The following DGAT2 variants were observed in gnomAD, a reference collection of about 807,000 sequenced individuals.
The protein encoded by DGAT2 is acyl-CoA retinol O-fatty-acyltransferase.
DGAT2 carries 33 observed loss-of-function variants against 48.4 expected under a neutral mutation model. The ratio of observed to expected loss-of-function variants is 0.68; its 90% CI spans 0.52 to 0.91. DGAT2 has a LOEUF of 0.91. Ranked by LOEUF, DGAT2 falls within the 40% of genes least tolerant of loss-of-function variation. The pLI, the probability that DGAT2 is intolerant of heterozygous loss-of-function variation, is 0.00. For missense variants in DGAT2, 446 were observed against 493.7 expected (o/e 0.90, Z 0.92); for synonymous variants, 191 against 194.1 (o/e 0.98, Z 0.13).
At chr11:75,798,060 C>T (rs918428631) in intron 6 of DGAT2, among the ~76,000 whole-genome samples, 167 bp from the exon 7 acceptor site, 4 of 152,184 alleles carry the variant, frequency 2.6e-5, no homozygotes, top group African/African-American at 9.7e-5. Context: ...GCAGAAGGCC[C>T]ATCAGAACCT....
intron 1 of DGAT2, among the ~76,000 whole-genome samples, chr11:75,781,612 G>A (rs548648243): frequency 4.9e-4 from 75 of 152,330 alleles, no homozygotes; most frequent in Non-Finnish European, 6.0e-4. Context: ...CAGCAGTCCC[G>A]GTACAGTTGC....
Position 75,801,374 on chromosome 11 carries a change from G to GC in DGAT2, c.*871dup, listed in dbSNP as rs1280785459. 1.3e-5 allele frequency: 2 copies of GC among 152,616 alleles called. No homozygotes were observed. Among genetic ancestry groups the GC allele is most frequent in the Non-Finnish European group, 2.9e-5 (2 of 68,056 alleles). The allele number at this position is 152,616 out of a possible 1,614,324, so 9.5% of individuals were successfully genotyped here. On this transcript the variant is annotated 3_prime_UTR_variant, in exon 8 of 8. Transcript: ENST00000228027. ...CAGCAGATTAGTTCCAAAGCAGGTG[G>GC]CCCCCGAACCCAAGCCTCACTTTTC...
intron 4 of DGAT2, 121 bp from the exon 5 acceptor site, chr11:75,796,207 G>T (rs1299156983): frequency 5.0e-6 from 4 of 801,290 alleles, no homozygotes; most frequent in East Asian, 2.5e-5. Flanking sequence ...GAGATTCATT[G>T]CAGCCCTCAG....
At chr11:75,793,459 C>T (rs993203792) in intron 4 of DGAT2, 8 of 152,236 alleles carry the variant, frequency 5.3e-5, no homozygotes, top group African/African-American at 1.9e-4. Flanking sequence ...CATCTTCATC[C>T]AGCAGCCCAG....
At chr11:75,791,026 G>A (rs181926912) in intron 4 of DGAT2, among the ~76,000 whole-genome samples, 2 of 152,374 alleles carry the variant, frequency 1.3e-5, no homozygotes, top group East Asian at 1.9e-4. Flanking sequence ...ATCTGGCCCT[G>A]ATGCATGTGG....
chr11:75,771,566 G>A (rs142170279), intron 1 of DGAT2, among the ~76,000 whole-genome samples: 9 of 152,254 alleles, frequency 5.9e-5, no homozygotes, highest in African/African-American at 2.2e-4. Flanking sequence ...AGGCTGGGGT[G>A]GGTGAGGATG....
chr11:75,784,591 T>C, intron 1 of DGAT2, 27 bp from the exon 2 acceptor site: 1 of 1,612,776 alleles, frequency 6.2e-7, no homozygotes, highest in Non-Finnish European at 8.5e-7. Context: ...AGGGTGACAG[T>C]GGACTGACAT....
intron 2 of DGAT2, 87 bp downstream of exon 2, chr11:75,784,833 G>T (rs891248874): frequency 2.5e-6 from 4 of 1,570,202 alleles, no homozygotes; most frequent in Non-Finnish European, 3.5e-6. Flanking sequence ...CTCTACAGGG[G>T]TGAGGGAATA....
chr11:75,800,040 A>G (rs954289979), intron 7 of DGAT2, among the ~76,000 whole-genome samples: 9 of 152,224 alleles, frequency 5.9e-5, no homozygotes, highest in African/African-American at 2.2e-4. Context: ...TGCCCAGAGC[A>G]GAGCAAAAGC....
chr11:75,777,075 GAC>G (rs1261879246), intron 1 of DGAT2: 2 of 152,404 alleles, frequency 1.3e-5, no homozygotes, highest in Admixed American at 6.5e-5. Context: ...ACCCAGGGCA[GAC>G]ATTAGGTCCA....
In DGAT2 at chr11:75,769,054, C is replaced by T. The variant is rs528121268; in HGVS notation, c.63C>T (p.Asp21=). The T allele has an allele frequency of 5.1e-6, 8 of 1,580,850 alleles. No homozygotes were observed. The highest frequency in any genetic ancestry group is 1.4e-5 in the African/African-American group (1 of 72,280). The change falls in exon 1 of 8, where the codon GAC becomes GAT. Residue 21 remains aspartate, a synonymous_variant. Transcript: ENST00000228027. ...VLRGERQAEA[D]RSQRSHGGPA... The stretch of plus-strand genomic sequence containing the variant: ...GCGGCGAGCGTCAGGCCGAGGCTGA[C>T]CGGAGCCAGCGCTCTCACGGAGGAC...
rs891172837 is a variant in DGAT2, at chr11:75,771,787, G to A, written c.121+2675G>A. ...GGCCACTTTGGGGCTGCGTCACCAA[G>A]GGCTCATCTAGGCTGAGAAAGGAGG... On this transcript the variant is annotated intron_variant, in intron 1 of 7. Coordinates refer to ENST00000228027, the MANE Select transcript of DGAT2 (RefSeq NM_032564.5). 2.0e-5 allele frequency among the ~76,000 whole-genome samples: 3 copies of A among 152,162 alleles called. No homozygotes were observed. The South Asian group carries it at 6.2e-4, about 31-fold the overall frequency.
rs35085051 is a variant in DGAT2 at position 75,769,063 on chromosome 11, G to A, written c.72G>A (p.Gln24=). The A allele has an allele frequency of 2.1e-3, 3,304 of 1,583,236 alleles. 52 individuals are homozygous for A. In the African/African-American group the frequency reaches 0.039, roughly 19 times the overall value. The change falls in exon 1 of 8, where the codon CAG becomes CAA. Residue 24 remains glutamine, a synonymous_variant. Coordinates refer to ENST00000228027, the MANE Select transcript of DGAT2 (RefSeq NM_032564.5). ...GTCAGGCCGAGGCTGACCGGAGCCA[G>A]CGCTCTCACGGAGGACCTGCGCTGT... ...GERQAEADRS[Q]RSHGGPALSR...
intron 2 of DGAT2, 64 bp downstream of exon 2, chr11:75,784,810 AGCAGGAGCCCT>A: frequency 6.2e-7 from 1 of 1,608,370 alleles, no homozygotes; most frequent in African/African-American, 1.3e-5. Flanking sequence ...AAAGAGGTAG[AGCAGGAGCCCT>A]GCTCTACAGG....
chr11:75,800,397 G>A lies in DGAT2; in HGVS notation c.1056G>A (p.Gln352=). 1 of 1,614,164 alleles carries A rather than the reference G, an allele frequency of 6.2e-7. No individual in the cohort carries two copies. The highest frequency in any genetic ancestry group is 8.5e-7 in the Non-Finnish European group (1 of 1,180,022). The change falls in exon 8 of 8, where the codon CAG becomes CAA. Residue 352 remains glutamine, a synonymous_variant. Transcript: ENST00000228027. ...TCCCCAAGCTGGAGCACCCAACCCA[G>A]CAAGACATCGACCTGTACCACACCA... ...ITIPKLEHPT[Q]QDIDLYHTMY... is the part of the protein sequence containing the mutation.
At chr11:75,800,126 C>T (rs1945094943) in intron 7 of DGAT2, among the ~76,000 whole-genome samples, 1 of 152,222 alleles carries the variant, frequency 6.6e-6, no homozygotes, top group African/African-American at 2.4e-5. Context: ...GTCTTGATCC[C>T]ATCTGCAGCT....
intron 4 of DGAT2, chr11:75,794,404 G>A (rs940490359): frequency 1.3e-5 from 2 of 152,156 alleles, no homozygotes; most frequent in Non-Finnish European, 2.9e-5. Context: ...GCACTCAGGT[G>A]GGAGTGTCAT....
intron 7 of DGAT2, 65 bp from the exon 8 acceptor site, chr11:75,800,289 G>A: frequency 6.4e-7 from 1 of 1,568,212 alleles, no homozygotes; most frequent in Admixed American, 1.8e-5. Context: ...ACCACCTTCA[G>A]CATCATGGTG....
In DGAT2 at chr11:75,798,366, C is replaced by G. The variant is rs34421064; in HGVS notation, c.949C>G (p.Arg317Gly). The change falls in exon 7 of 8, where the codon CGA becomes GGA. Residue 317 changes from arginine (R) to glycine (G), a missense_variant. Coordinates refer to ENST00000228027, the MANE Select transcript of DGAT2 (RefSeq NM_032564.5). ...TTTCGCCCCATGCATCTTCCATGGT[C>G]GAGGCCTCTTCTCCTCCGACACCTG... ...IGFAPCIFHGRGLFSSDTWGL... is the reference protein window; with the variant it reads ...IGFAPCIFHGGGLFSSDTWGL... 6.2e-7 allele frequency: 1 copy of G among 1,614,056 alleles called. No homozygotes were observed. The highest frequency in any genetic ancestry group is 8.5e-7 in the Non-Finnish European group (1 of 1,180,004).
Sources: allele counts gnomAD v4.1 joint callset (sites outside exome capture counted in the v4.1 genomes callset), GRCh38; gene constraint gnomAD v4.1.1; transcripts MANE v1.5; gene names NCBI Gene and HGNC (gene_info 2026-07-23, HGNC 2026-07-21).